Variants in SLC8A2 observed in about 807,000 individuals in gnomAD.
The protein encoded by SLC8A2 is solute carrier family 8 member A2, also known as sodium/calcium exchanger 2.
A neutral mutation model predicts 70.2 loss-of-function variants in SLC8A2; 14 were observed. The ratio of observed to expected loss-of-function variants is 0.20; its 90% CI spans 0.13 to 0.31. SLC8A2 has a LOEUF of 0.31. SLC8A2 is among the 10% of genes least tolerant of loss of function. The probability of loss-of-function intolerance (pLI) is 1.00; values close to 1 mark genes in which losing one functional copy is unlikely to be tolerated. For missense variants in SLC8A2, 779 were observed against 1,320.1 expected, an observed-to-expected ratio of 0.59 and a Z score of 6.35; for synonymous variants, 575 against 594.3, an observed-to-expected ratio of 0.97 and a Z score of 0.47.
chr19:47,438,169 T>C (rs1195307126), intron 6 of SLC8A2, among the ~76,000 whole-genome samples, 196 bp from the exon 7 acceptor site: 3 of 152,146 alleles, frequency 2.0e-5, no homozygotes, highest in African/African-American at 7.2e-5. Flanking sequence ...GGTTGGTTCA[T>C]GATCTTTAGT....
chr19:47,469,151 T>C (rs972075181), intron 1 of SLC8A2, among the ~76,000 whole-genome samples: 1 of 151,126 alleles, frequency 6.6e-6, no homozygotes. Context: ...TGTGTGTGTG[T>C]GTGCAGGCAA....
chr19:47,456,873 G>A, intron 3 of SLC8A2, 57 bp downstream of exon 3: 3 of 1,494,180 alleles, frequency 2.0e-6, no homozygotes, highest in South Asian at 2.7e-5. Flanking sequence ...GCCGCCGGAC[G>A]GCGGGACCCA....
intron 1 of SLC8A2, among the ~76,000 whole-genome samples, chr19:47,470,364 C>CACACACACACAG (rs2122658665): frequency 6.6e-6 from 1 of 151,882 alleles, no homozygotes; most frequent in African/African-American, 2.4e-5. Context: ...CACACACACA[C>CACACACACACAG]ACACACACAC....
At chr19:47,469,119 C>CGCGT (rs1555751494) in intron 1 of SLC8A2, among the ~76,000 whole-genome samples, 3 of 143,162 alleles carry the variant, frequency 2.1e-5, no homozygotes, top group East Asian at 2.1e-4. Flanking sequence ...TGCCTGTGTG[C>CGCGT]GTGTGTGTGT....
At chr19:47,451,982 A>G (rs998192712) in intron 3 of SLC8A2, among the ~76,000 whole-genome samples, 5 of 152,154 alleles carry the variant, frequency 3.3e-5, no homozygotes, top group African/African-American at 1.2e-4. Flanking sequence ...GTGAAAATAC[A>G]GCCATCAAGG....
chr19:47,448,191 CCTT>C lies in SLC8A2; in HGVS notation c.1378_1380del (p.Lys460del). ...TCGTCGATGATGCCGATGCGCAGCTCCTTCTGCGTCTCGCCTGGTTTGAACACC... is the reference window on the plus strand; with the variant it reads ...TCGTCGATGATGCCGATGCGCAGCTCCTGCGTCTCGCCTGGTTTGAACACC... On this transcript the variant is annotated inframe_deletion, in exon 4 of 10. Transcript: ENST00000236877. This position sits in a 1 kb window ranked among gnomAD's most constrained non-coding sequence, Gnocchi z 4.8. The C allele has an allele frequency of 2.5e-6, 4 of 1,609,446 alleles. No homozygotes were observed. Among genetic ancestry groups the C allele is most frequent in the Non-Finnish European group, 3.4e-6 (4 of 1,177,376 alleles).
intron 2 of SLC8A2, among the ~76,000 whole-genome samples, chr19:47,464,762 T>G (rs527367942): frequency 6.6e-6 from 1 of 152,304 alleles, no homozygotes; most frequent in South Asian, 2.1e-4. Context: ...TGCAAATAAA[T>G]TATGCATGTG....
chr19:47,465,090 A>G lies in SLC8A2; in HGVS notation c.675+639T>C, dbSNP rs763086200. Among the ~76,000 whole-genome samples, 4 of 152,212 alleles carry G rather than the reference A, an allele frequency of 2.6e-5. No individual in the cohort carries two copies. The highest frequency in any genetic ancestry group is 5.9e-5 in the Non-Finnish European group (4 of 68,042). On this transcript the variant is annotated intron_variant, in intron 2 of 9. Transcript: ENST00000236877. This position sits in a 1 kb window ranked among gnomAD's most constrained non-coding sequence, Gnocchi z 5.5. ...CAACATCAGAAATTGATGATGAATA[A>G]TGAATGAATTATGCAAACCGTGATT...
intron 6 of SLC8A2, among the ~76,000 whole-genome samples, chr19:47,438,380 T>C (rs954024766): frequency 2.6e-5 from 4 of 152,114 alleles, no homozygotes; most frequent in African/African-American, 9.7e-5. Flanking sequence ...TCAATACATG[T>C]TACTATCTTT....
rs969763006 is a variant in SLC8A2, at chr19:47,428,483, G to A, written c.*1606C>T. ...CTAGTGGAAGCTCATTACTGATGGGGGCGTGGCGAGTGGAAGAGCTTGGCG... is the reference window on the plus strand; with the variant it reads ...CTAGTGGAAGCTCATTACTGATGGGAGCGTGGCGAGTGGAAGAGCTTGGCG... On this transcript the variant is annotated 3_prime_UTR_variant, in exon 10 of 10. Transcript: ENST00000236877. The A allele has an allele frequency of 6.6e-6, 1 of 152,454 alleles. No homozygotes were observed. The highest frequency in any genetic ancestry group is 1.9e-4 in the East Asian group (1 of 5,178). 9.4% of individuals were successfully genotyped at this position (152,454 alleles called of 1,614,324 possible). A position where few individuals can be genotyped will look rare whatever the true frequency, so the allele number is the denominator to read the frequency against.
intron 2 of SLC8A2, among the ~76,000 whole-genome samples, chr19:47,462,730 G>T (rs139783974): frequency 6.6e-6 from 1 of 151,846 alleles, no homozygotes; most frequent in East Asian, 1.9e-4. Flanking sequence ...TGGGATTACA[G>T]GCGCCTGCCA....
chr19:47,457,142 C>T lies in SLC8A2; in HGVS notation c.1128G>A (p.Ser376=), dbSNP rs1483256650. Residue 376 remains serine, a synonymous_variant, in exon 3 of 10, where the codon TCG becomes TCA. Transcript: ENST00000236877. ...CGCCCTCGGCCGGCGCCGCCCTGCG[C>T]GAGGCGTCCGCCGCGTGTCTGCGCA... ...NVLRRHAADA[S]RRAAPAEGAG... 1.9e-6 allele frequency: 3 copies of T among 1,542,242 alleles called. No individual in the cohort carries two copies. Among genetic ancestry groups the T allele is most frequent in the Admixed American group, 4.0e-5 (2 of 50,066 alleles).
At position 47,430,443 on chromosome 19, in the gene SLC8A2, C is replaced by T. The variant is rs140535709; in HGVS notation, c.2412G>A (p.Ala804=). 25 of 1,602,736 alleles carry T rather than the reference C, an allele frequency of 1.6e-5. No homozygotes were observed. In the African/African-American group the frequency reaches 3.3e-4, roughly 21 times the overall value. Residue 804 remains alanine (A), a synonymous_variant, in exon 10 of 10, where the codon GCG becomes GCA. Transcript: ENST00000236877. This position sits in a 1 kb window ranked among gnomAD's most constrained non-coding sequence, Gnocchi z 5.9. ...SIPDTFASKV[A]ALQDQCADAS... is the part of the protein sequence containing the mutation. ...CGTCGGCGCACTGGTCCTGCAGCGC[C>T]GCCACCTTGCTGGCGAACGTGTCTG...
At position 47,447,580 on chromosome 19, in the gene SLC8A2, T is replaced by C. The variant is rs1967181007; in HGVS notation, c.1763+229A>G. ...GGAGAACGATTCACTCAGGCCCCTCTCCTCCTGAGGGCCCAGCTGTTCAGT... is the reference window on the plus strand; with the variant it reads ...GGAGAACGATTCACTCAGGCCCCTCCCCTCCTGAGGGCCCAGCTGTTCAGT... On this transcript the variant is annotated intron_variant, in intron 4 of 9. Coordinates refer to ENST00000236877, the MANE Select transcript of SLC8A2 (RefSeq NM_015063.3). This position sits in a 1 kb window ranked among gnomAD's most constrained non-coding sequence, Gnocchi z 5.1. 6.0e-6 allele frequency: 3 copies of C among 502,790 alleles called. No homozygotes were observed. The highest frequency in any genetic ancestry group is 1.0e-5 in the Non-Finnish European group (3 of 289,806). 31.1% of individuals were successfully genotyped at this position (502,790 alleles called of 1,614,324 possible).
intron 4 of SLC8A2, among the ~76,000 whole-genome samples, chr19:47,441,886 G>A (rs1006299597): frequency 2.6e-5 from 4 of 152,132 alleles, no homozygotes; most frequent in Non-Finnish European, 5.9e-5. Flanking sequence ...GGCGGATCAC[G>A]AGGTCAAGAG....
At chr19:47,441,605 TATC>T (rs1267135235) in intron 4 of SLC8A2, among the ~76,000 whole-genome samples, 165 bp from the exon 5 acceptor site, 1 of 152,132 alleles carries the variant, frequency 6.6e-6, no homozygotes, top group Non-Finnish European at 1.5e-5. Flanking sequence ...AAGGCTCTAT[TATC>T]ATCCCCATTT....
chr19:47,443,540 C>T (rs1033173519), intron 4 of SLC8A2, among the ~76,000 whole-genome samples: 1 of 152,214 alleles, frequency 6.6e-6, no homozygotes, highest in Non-Finnish European at 1.5e-5. Context: ...CGCCATCACA[C>T]CCTACAGCCA....
At chr19:47,455,540 A>G (rs550396820) in intron 3 of SLC8A2, among the ~76,000 whole-genome samples, 1 of 152,346 alleles carries the variant, frequency 6.6e-6, no homozygotes, top group South Asian at 2.1e-4. Context: ...TTTCTTGCAC[A>G]TAGTAGACAC....
In SLC8A2 at chr19:47,447,996, A is replaced by C. The variant is rs1466682249; in HGVS notation, c.1576T>G (p.Ser526Ala). The C allele has an allele frequency of 6.4e-7, 1 of 1,561,974 alleles. No individual in the cohort carries two copies. Among genetic ancestry groups the C allele is most frequent in the South Asian group, 1.2e-5 (1 of 85,984 alleles). Residue 526 changes from serine (S) to alanine (A), a missense_variant, in exon 4 of 10, where the codon TCC (serine) becomes GCC (alanine). This residue lies in a region of SLC8A2 where 247 missense variants were observed against 362.8 expected (regional missense o/e 0.68). Transcript: ENST00000236877. This position sits in a 1 kb window ranked among gnomAD's most constrained non-coding sequence, Gnocchi z 5.1. ...ILDDDHAGIFSFQDRLLHVSE... is the reference protein window; with the variant it reads ...ILDDDHAGIFAFQDRLLHVSE... ...ACGTGCAGCAGGCGGTCCTGGAAGGAGAAGATGCCTGCGTGGTCGTCGTCC... is the reference window on the plus strand; with the variant it reads ...ACGTGCAGCAGGCGGTCCTGGAAGGCGAAGATGCCTGCGTGGTCGTCGTCC...
Sources: allele counts gnomAD v4.1 joint callset (sites outside exome capture counted in the v4.1 genomes callset), GRCh38; gene constraint gnomAD v4.1.1; regional missense constraint gnomAD v4.1.1; non-coding constraint Gnocchi (gnomAD v3.1); transcripts MANE v1.5; gene names NCBI Gene and HGNC (gene_info 2026-07-23, HGNC 2026-07-21).